The following ARHGAP35 variants were observed in gnomAD, a reference collection of about 807,000 sequenced individuals.
The protein encoded by ARHGAP35 is rho GTPase-activating protein 35.
Under a neutral mutation model 111.1 loss-of-function variants are expected in ARHGAP35, and 15 were observed. That is an observed-to-expected ratio of 0.13 (90% CI 0.09 to 0.21). ARHGAP35 has a LOEUF of 0.21. Among genes scored for constraint, ARHGAP35 ranks in the 10% least tolerant of loss-of-function variants. The probability of loss-of-function intolerance (pLI) is 1.00; values close to 1 mark genes in which losing one functional copy is unlikely to be tolerated. For missense variants in ARHGAP35, 1,262 were observed against 1,873.0 expected (o/e 0.67, Z 6.02); for synonymous variants, 643 against 710.3 (o/e 0.91, Z 1.51).
In ARHGAP35 at chr19:46,919,369, T is replaced by A. The variant is rs2056183030; in HGVS notation, c.694T>A (p.Ser232Thr). 6.2e-7 allele frequency: 1 copy of A among 1,613,838 alleles called. No homozygotes were observed. The highest frequency in any genetic ancestry group is 1.7e-5 in the Admixed American group (1 of 59,998). ...CCAGGTTGTGGAGACCTCAGCGAGATCCAATGTAAACGTGGACTTGGCTTT... is the reference window on the plus strand; with the variant it reads ...CCAGGTTGTGGAGACCTCAGCGAGAACCAATGTAAACGTGGACTTGGCTTT... Reference protein sequence around the residue: ...NLQVVETSARSNVNVDLAFST... With the variant: ...NLQVVETSARTNVNVDLAFST... Residue 232 changes from serine (S) to threonine (T), a missense_variant, in exon 2 of 7, where the codon TCC becomes ACC. By Grantham distance (58) the Ser-to-Thr change is moderately conservative. Coordinates refer to ENST00000672722, the MANE Select transcript of ARHGAP35 (RefSeq NM_004491.5). This position sits in a 1 kb window ranked among gnomAD's most constrained non-coding sequence, Gnocchi z 6.2.
intron 2 of ARHGAP35, among the ~76,000 whole-genome samples, chr19:46,925,685 G>A (rs549078458): frequency 6.6e-6 from 1 of 152,306 alleles, no homozygotes; most frequent in Admixed American, 6.5e-5. Flanking sequence ...GTAGGTTGTA[G>A]TGATTAGGAG....
At chr19:46,902,524 C>T (rs1001892931) in intron 1 of ARHGAP35, among the ~76,000 whole-genome samples, 2 of 152,124 alleles carry the variant, frequency 1.3e-5, no homozygotes, top group Admixed American at 6.6e-5. Flanking sequence ...CTGGTCTGTG[C>T]CATCTGCTCC....
intron 3 of ARHGAP35, 38 bp from the exon 4 acceptor site, chr19:46,987,951 C>T (rs2056659913): frequency 6.2e-7 from 1 of 1,603,814 alleles, no homozygotes. Context: ...CTCTGCTCTC[C>T]AGTTCCTGCT....
At chr19:46,896,319 G>T (rs1372329629) in intron 1 of ARHGAP35, among the ~76,000 whole-genome samples, 1 of 152,164 alleles carries the variant, frequency 6.6e-6, no homozygotes, top group Admixed American at 6.5e-5. Context: ...GGTCAAGGCT[G>T]CAGTGAGTGG....
At chr19:46,868,829 TA>T (rs1440120162) in intron 1 of ARHGAP35, among the ~76,000 whole-genome samples, 2 of 149,134 alleles carry the variant, frequency 1.3e-5, no homozygotes, top group Non-Finnish European at 1.5e-5. Context: ...AAATAAAAAT[TA>T]AAAGAAACAT....
intron 3 of ARHGAP35, among the ~76,000 whole-genome samples, chr19:46,981,660 T>C (rs1337451110): frequency 6.6e-6 from 1 of 152,168 alleles, no homozygotes; most frequent in East Asian, 1.9e-4. Context: ...TCCATTTTTT[T>C]AGTGTCCGTC....
chr19:46,900,599 G>A (rs567870632), intron 1 of ARHGAP35, among the ~76,000 whole-genome samples: 13 of 152,128 alleles, frequency 8.5e-5, no homozygotes, highest in Non-Finnish European at 1.5e-4. Flanking sequence ...ATTACTTGTG[G>A]ACAGGTTTTT....
chr19:46,894,464 T>C (rs1465266407), intron 1 of ARHGAP35, among the ~76,000 whole-genome samples: 1 of 115,010 alleles, frequency 8.7e-6, no homozygotes, highest in East Asian at 2.2e-4. Context: ...TTTTTTTTTT[T>C]GGAGACGGAG....
chr19:46,874,071 C>T (rs768238991), intron 1 of ARHGAP35, among the ~76,000 whole-genome samples: 7 of 152,080 alleles, frequency 4.6e-5, no homozygotes, highest in Non-Finnish European at 7.3e-5. Context: ...ATTTTTTTTC[C>T]CAAAGTCCTG....
intron 1 of ARHGAP35, among the ~76,000 whole-genome samples, chr19:46,884,493 CTTTTT>C (rs923415995): frequency 1.8e-5 from 2 of 111,976 alleles, no homozygotes; most frequent in Non-Finnish European, 3.6e-5. Flanking sequence ...TGATGATATC[CTTTTT>C]TTTTTTTTTT....
At chr19:46,892,366 T>G (rs569885325) in intron 1 of ARHGAP35, among the ~76,000 whole-genome samples, 1 of 148,888 alleles carries the variant, frequency 6.7e-6, no homozygotes, top group Admixed American at 6.7e-5. Context: ...TCCTAGCTAC[T>G]TGGGAGGTTG....
At chr19:46,884,410 A>G (rs560463237) in intron 1 of ARHGAP35, among the ~76,000 whole-genome samples, 12 of 152,132 alleles carry the variant, frequency 7.9e-5, no homozygotes, top group Middle Eastern at 3.4e-3. Flanking sequence ...CATTTTAAAC[A>G]TAAACTGAGG....
chr19:46,928,546 C>T (rs981062610), intron 2 of ARHGAP35, among the ~76,000 whole-genome samples: 35 of 151,820 alleles, frequency 2.3e-4, no homozygotes, highest in African/African-American at 8.2e-4. Flanking sequence ...GGGCCCTCCT[C>T]GCTGTTTGGC....
At position 46,940,133 on chromosome 19, in the gene ARHGAP35, G is replaced by C. The variant is rs575662302; in HGVS notation, c.3826+2725G>C. On this transcript the variant is annotated intron_variant, in intron 3 of 6. Coordinates refer to ENST00000672722, the MANE Select transcript of ARHGAP35 (RefSeq NM_004491.5). The stretch of plus-strand genomic sequence containing the variant: ...CGCTTGTAGTTCCAGTACTTTGAGA[G>C]GCTGAGGCGGAAGATCAGGAATTCG... Among the ~76,000 whole-genome samples, 42 of 152,094 alleles carry C rather than the reference G, an allele frequency of 2.8e-4. 1 individual carries two copies. In the South Asian group the frequency reaches 8.5e-3, roughly 31 times the overall value.
intron 1 of ARHGAP35, among the ~76,000 whole-genome samples, chr19:46,899,863 A>G (rs928801411): frequency 1.3e-5 from 2 of 152,198 alleles, no homozygotes; most frequent in African/African-American, 4.8e-5. Flanking sequence ...CATTCAAGAC[A>G]AAGTTGTCTT....
intron 1 of ARHGAP35, among the ~76,000 whole-genome samples, chr19:46,900,758 A>G (rs1304547551): frequency 5.9e-5 from 6 of 102,304 alleles, no homozygotes; most frequent in Non-Finnish European, 1.1e-4. Flanking sequence ...AATGAGAAAT[A>G]GAAATTAAAG....
chr19:46,931,636 G>A (rs1027616453), intron 2 of ARHGAP35, among the ~76,000 whole-genome samples: 2 of 152,158 alleles, frequency 1.3e-5, no homozygotes, highest in Non-Finnish European at 2.9e-5. Context: ...CAAACTATGA[G>A]GTACAAAGCA....
intron 3 of ARHGAP35, among the ~76,000 whole-genome samples, chr19:46,956,238 A>G (rs577688663): frequency 6.6e-6 from 1 of 152,294 alleles, no homozygotes; most frequent in African/African-American, 2.4e-5. Flanking sequence ...GAATCACTTG[A>G]GCCTGGGAGG....
intron 3 of ARHGAP35, among the ~76,000 whole-genome samples, chr19:46,959,539 A>G (rs2056464475): frequency 6.6e-6 from 1 of 151,614 alleles, no homozygotes; most frequent in Non-Finnish European, 1.5e-5. Context: ...AGCTGGGATT[A>G]CAGGCACCCG....
Sources: allele counts gnomAD v4.1 joint callset (sites outside exome capture counted in the v4.1 genomes callset), GRCh38; gene constraint gnomAD v4.1.1; non-coding constraint Gnocchi (gnomAD v3.1); transcripts MANE v1.5; gene names NCBI Gene and HGNC (gene_info 2026-07-23, HGNC 2026-07-21).